ARMC2: variants seen among roughly 807,000 people sequenced by gnomAD.
ARMC2 encodes the protein armadillo repeat-containing protein 2.
In ARMC2, 67 loss-of-function variants were observed where a neutral mutation model predicts 90.3. The ratio of observed to expected loss-of-function variants is 0.74; its 90% CI spans 0.61 to 0.91. ARMC2 has a LOEUF of 0.91. ARMC2 is among the 40% of genes least tolerant of loss of function. The pLI, the probability that ARMC2 is intolerant of heterozygous loss-of-function variation, is 0.00. For synonymous variants in ARMC2, 393 were observed against 393.0 expected, an observed-to-expected ratio of 1.00 and a Z score of 0.00; for missense variants, 920 against 1,030.9, an observed-to-expected ratio of 0.89 and a Z score of 1.47.
At chr6:108,936,733 G>T (rs1775987823) in intron 11 of ARMC2, among the ~76,000 whole-genome samples, 167 bp from the exon 12 acceptor site, 1 of 151,982 alleles carries the variant, frequency 6.6e-6, no homozygotes, top group Non-Finnish European at 1.5e-5. Flanking sequence ...GTGTAGAGCA[G>T]GAAGCCTCCT....
intron 11 of ARMC2, among the ~76,000 whole-genome samples, chr6:108,929,338 C>T (rs182327417): frequency 1.2e-4 from 18 of 152,302 alleles, no homozygotes; most frequent in African/African-American, 3.8e-4. Flanking sequence ...TCCTTTCTCA[C>T]TGATTTTGTC....
intron 9 of ARMC2, among the ~76,000 whole-genome samples, chr6:108,911,823 G>T (rs930362124): frequency 1.3e-5 from 2 of 152,110 alleles, no homozygotes; most frequent in Non-Finnish European, 2.9e-5. Flanking sequence ...CCAAGTAGTG[G>T]TATGTTATTT....
chr6:109,028,234 T>TTGAG, the ARMC2 span, among the ~76,000 whole-genome samples: 1 of 152,232 alleles, frequency 6.6e-6, no homozygotes, highest in Admixed American at 6.5e-5. Context: ...AAAATAAATC[T>TTGAG]TCTCAAGTTT....
rs535474426 is a variant in ARMC2, at chr6:108,885,258, T to G, written c.671+8908T>G. Among the ~76,000 whole-genome samples, 13 of 151,782 alleles carry G rather than the reference T, an allele frequency of 8.6e-5. No homozygotes were observed. In the South Asian group the frequency reaches 2.5e-3, roughly 29 times the overall value. ...TGTGTGTGTGTGTGTGTGTATGTAT[T>G]TTAGTCTTGTGCCCAAGCCAACACT... On this transcript the variant is annotated intron_variant, in intron 5 of 17. Coordinates refer to ENST00000392644, the MANE Select transcript of ARMC2 (RefSeq NM_032131.6).
rs1776385793 is a variant in ARMC2, at chr6:108,940,952, C to T, written c.1596+3953C>T. 2.0e-5 allele frequency among the ~76,000 whole-genome samples: 3 copies of T among 152,004 alleles called. No homozygotes were observed. The East Asian group carries it at 5.8e-4, about 29-fold the overall frequency. ...GAGAGAGAAGACTGGCAACATAGAC[C>T]TCATCTCTATAAACAAAAAATTAGC... On this transcript the variant is annotated intron_variant, in intron 12 of 17. Transcript: ENST00000392644.
At chr6:108,972,338 C>T (rs1320993145) in intron 17 of ARMC2, among the ~76,000 whole-genome samples, 1 of 152,144 alleles carries the variant, frequency 6.6e-6, no homozygotes, top group African/African-American at 2.4e-5. Context: ...CCTTGGGATT[C>T]CCAAGGTCTC....
the ARMC2 span, among the ~76,000 whole-genome samples, chr6:108,989,647 A>G: frequency 6.6e-6 from 1 of 151,912 alleles, no homozygotes; most frequent in Admixed American, 6.6e-5. Context: ...ATAAATAAAT[A>G]AAATAAAAAT....
chr6:108,923,107 A>C (rs1774747045), intron 10 of ARMC2: 1 of 152,124 alleles, frequency 6.6e-6, no homozygotes, highest in Non-Finnish European at 1.5e-5. Context: ...TAGGAATTAA[A>C]ACTTGTGTTT....
chr6:109,043,183 G>A, the ARMC2 span, among the ~76,000 whole-genome samples: 6 of 152,078 alleles, frequency 3.9e-5, no homozygotes, highest in African/African-American at 1.4e-4. Context: ...TAAGAACAGA[G>A]TGGGAGTTAC....
chr6:108,994,140 T>TAAGA, the ARMC2 span, among the ~76,000 whole-genome samples: 1 of 100,266 alleles, frequency 1.0e-5, no homozygotes, highest in African/African-American at 3.8e-5. Context: ...CCCTGTTTCT[T>TAAGA]AAAAAAAAAA....
In ARMC2 at chr6:108,876,298, C is replaced by T; in HGVS notation, c.619C>T (p.Gln207Ter). Residue 207 changes from glutamine (Q) to a stop codon, truncating the protein, a stop_gained, in exon 5 of 18, where the codon CAA becomes TAA. Transcript: ENST00000392644. LOFTEE classifies it high-confidence loss of function. ...TGGAGGCTTCAGTGAAATAAAGGAG[C>T]AAGAAATGTTCAAAGGAACAACATC... is the stretch of plus-strand genomic sequence containing the variant. Reference protein sequence around the residue: ...DDGGFSEIKEQEMFKGTTSLP... With the variant: ...DDGGFSEIKE The T allele has an allele frequency of 6.2e-7, 1 of 1,612,646 alleles. No homozygotes were observed. Among genetic ancestry groups the T allele is most frequent in the Non-Finnish European group, 8.5e-7 (1 of 1,179,532 alleles).
In ARMC2 at chr6:108,894,454, G is replaced by T. The variant is rs1444167295; in HGVS notation, c.672-13G>T. 6.2e-7 allele frequency: 1 copy of T among 1,604,770 alleles called. No homozygotes were observed. Among genetic ancestry groups the T allele is most frequent in the Non-Finnish European group, 8.5e-7 (1 of 1,176,496 alleles). On this transcript the variant is annotated splice_polypyrimidine_tract_variant and intron_variant, in intron 5 of 17. Coordinates refer to ENST00000392644, the MANE Select transcript of ARMC2 (RefSeq NM_032131.6). ...TTCATGTTTGCGCTGAGTGTTTTAT[G>T]TATTCCTCCTAGGGACCAGGGGAAG...
chr6:109,046,955 G>A, the ARMC2 span, among the ~76,000 whole-genome samples: 10 of 112,632 alleles, frequency 8.9e-5, 1 homozygote, highest in African/African-American at 2.0e-4. Flanking sequence ...AGTGAGGAGC[G>A]TCTCCACCCG....
chr6:108,878,305 A>G (rs1451928413), intron 5 of ARMC2, among the ~76,000 whole-genome samples: 2 of 152,154 alleles, frequency 1.3e-5, no homozygotes, highest in Non-Finnish European at 2.9e-5. Flanking sequence ...TCTTTAGACC[A>G]TAAAGTGGCA....
intron 5 of ARMC2, among the ~76,000 whole-genome samples, chr6:108,889,447 G>A (rs1770716118): frequency 6.6e-6 from 1 of 151,344 alleles, no homozygotes; most frequent in Non-Finnish European, 1.5e-5. Context: ...CGCCCTGCCT[G>A]TTATTATTTT....
At chr6:109,042,768 A>T in the ARMC2 span, among the ~76,000 whole-genome samples, 5,961 of 152,110 alleles carry the variant, frequency 0.039, 155 homozygotes, top group South Asian at 0.067. Flanking sequence ...TCACTGGATA[A>T]CTCCACCAAA....
chr6:108,873,491 T>C (rs1776637228), intron 4 of ARMC2, among the ~76,000 whole-genome samples: 1 of 152,172 alleles, frequency 6.6e-6, no homozygotes, highest in Admixed American at 6.5e-5. Flanking sequence ...CCCCTTGTTG[T>C]TCACCACACC....
rs183914356 is a variant in ARMC2 at position 108,932,088 on chromosome 6, T to G, written c.1496+3855T>G. 6.7e-4 allele frequency among the ~76,000 whole-genome samples: 102 copies of G among 152,078 alleles called. 4 individuals are homozygous for G. Among genetic ancestry groups the G allele is most frequent in the African/African-American group, 2.4e-3 (99 of 41,336 alleles). On this transcript the variant is annotated intron_variant, in intron 11 of 17. Transcript: ENST00000392644. ...CCCTTTGCCCACTTTTTGGTGGGGTTGTTTTTCTCTTGTAAATTTGTTTAA... is the reference window on the plus strand; with the variant it reads ...CCCTTTGCCCACTTTTTGGTGGGGTGGTTTTTCTCTTGTAAATTTGTTTAA...
chr6:109,007,214 C>T, the ARMC2 span, among the ~76,000 whole-genome samples: 192 of 152,226 alleles, frequency 1.3e-3, no homozygotes, highest in African/African-American at 4.4e-3. Flanking sequence ...GACAGTAGTA[C>T]CACAGAAAGA....
Sources: allele counts gnomAD v4.1 joint callset (sites outside exome capture counted in the v4.1 genomes callset), GRCh38; gene constraint gnomAD v4.1.1; transcripts MANE v1.5; gene names NCBI Gene and HGNC (gene_info 2026-07-23, HGNC 2026-07-21).